The following DENND1B variants were observed in gnomAD, a reference collection of about 807,000 sequenced individuals.
DENND1B encodes the protein DENN domain-containing protein 1B.
Under a neutral mutation model 90.1 loss-of-function variants are expected in DENND1B, and 59 were observed. The observed-to-expected ratio is 0.65, with a 90% CI of 0.53 to 0.81. The LOEUF (loss-of-function observed/expected upper bound fraction) is 0.81, where lower values mean the gene tolerates loss of function less well. DENND1B is among the 40% of genes least tolerant of loss of function. DENND1B has a pLI of 0.00. For synonymous variants in DENND1B, 337 were observed against 324.6 expected (o/e 1.04, Z -0.41); for missense variants, 862 against 912.6 (o/e 0.94, Z 0.71).
chr1:197,570,141 C>T (rs1673025205), intron 15 of DENND1B, among the ~76,000 whole-genome samples: 1 of 151,434 alleles, frequency 6.6e-6, no homozygotes, highest in East Asian at 1.9e-4. Context: ...GCCTGTAACC[C>T]CAAACCACTA....
At chr1:197,733,597 C>T (rs1412129159) in intron 2 of DENND1B, among the ~76,000 whole-genome samples, 1 of 152,166 alleles carries the variant, frequency 6.6e-6, no homozygotes, top group Non-Finnish European at 1.5e-5. Context: ...GGAGCCCCTA[C>T]ATCAGAGGAA....
At chr1:197,565,442 C>A (rs1376579051) in intron 15 of DENND1B, among the ~76,000 whole-genome samples, 1 of 151,638 alleles carries the variant, frequency 6.6e-6, no homozygotes, top group South Asian at 2.1e-4. Flanking sequence ...AATACAGTAA[C>A]ACTTTACTCC....
At chr1:197,746,758 T>C in intron 2 of DENND1B, 2 of 1,334,184 alleles carry the variant, frequency 1.5e-6, no homozygotes, top group South Asian at 1.2e-5. Flanking sequence ...GTTATGCATA[T>C]CCCATGTCAC....
chr1:197,714,385 A>C (rs781333945), intron 3 of DENND1B, among the ~76,000 whole-genome samples: 23 of 152,176 alleles, frequency 1.5e-4, no homozygotes, highest in Non-Finnish European at 2.9e-5. Context: ...CATAAAGTTT[A>C]AATGATTTTT....
intron 2 of DENND1B, among the ~76,000 whole-genome samples, chr1:197,728,731 G>C (rs1480446414): frequency 6.6e-6 from 1 of 151,994 alleles, no homozygotes; most frequent in Non-Finnish European, 1.5e-5. Context: ...TTAATCTTAA[G>C]AGTTCTTATT....
intron 15 of DENND1B, among the ~76,000 whole-genome samples, chr1:197,560,924 A>G (rs935291816): frequency 3.9e-5 from 6 of 151,920 alleles, no homozygotes; most frequent in Admixed American, 2.0e-4. Flanking sequence ...GAGAAATTCT[A>G]CAAGCTCTAA....
intron 15 of DENND1B, among the ~76,000 whole-genome samples, chr1:197,574,989 C>G (rs752335471): frequency 7.2e-5 from 11 of 151,900 alleles, no homozygotes; most frequent in Non-Finnish European, 1.3e-4. Context: ...CATAAAAACC[C>G]TAGAAAACCT....
chr1:197,627,119 T>C (rs1295480099), intron 10 of DENND1B, among the ~76,000 whole-genome samples: 1 of 152,136 alleles, frequency 6.6e-6, no homozygotes, highest in Admixed American at 6.5e-5. Context: ...ACTGGTACCA[T>C]TCCTTCTGAA....
chr1:197,775,200 G>A lies in DENND1B; in HGVS notation c.-45C>T. ...GCTGTCCGTCCGGCCCCCGCGCGCT[G>A]GCCTGGAAGCCCGCAGCCCGGCCGC... On this transcript the variant is annotated 5_prime_UTR_variant, in exon 1 of 23. Coordinates refer to ENST00000620048, the MANE Select transcript of DENND1B (RefSeq NM_001195215.2). The A allele has an allele frequency of 8.0e-7, 1 of 1,251,928 alleles. No individual in the cohort carries two copies. Among genetic ancestry groups the A allele is most frequent in the Non-Finnish European group, 1.0e-6 (1 of 993,862 alleles). 77.6% of individuals were successfully genotyped at this position (1,251,928 alleles called of 1,614,324 possible).
chr1:197,706,516 T>C (rs931375365), intron 3 of DENND1B, among the ~76,000 whole-genome samples: 5 of 152,182 alleles, frequency 3.3e-5, no homozygotes, highest in Non-Finnish European at 7.3e-5. Flanking sequence ...GGAGAATGTA[T>C]ACGTAAACTA....
intron 15 of DENND1B, among the ~76,000 whole-genome samples, chr1:197,561,425 G>A (rs1275498314): frequency 6.6e-6 from 1 of 151,730 alleles, no homozygotes; most frequent in Non-Finnish European, 1.5e-5. Flanking sequence ...CTACCTAATT[G>A]TTCATCCACT....
chr1:197,770,547 T>G (rs535897228), intron 2 of DENND1B, among the ~76,000 whole-genome samples: 1 of 150,790 alleles, frequency 6.6e-6, no homozygotes, highest in Non-Finnish European at 1.5e-5. Context: ...TTAATACACA[T>G]TTAAAATTAG....
intron 3 of DENND1B, among the ~76,000 whole-genome samples, chr1:197,713,943 A>G (rs373811460): frequency 0.13 from 211 of 1,660 alleles, 2 homozygotes; most frequent in Non-Finnish European, 0.17. Context: ...TATATTATAT[A>G]CATATACACC....
At chr1:197,749,232 A>G (rs1270636003) in intron 2 of DENND1B, among the ~76,000 whole-genome samples, 1 of 152,162 alleles carries the variant, frequency 6.6e-6, no homozygotes, top group African/African-American at 2.4e-5. Context: ...AACAGCTTCA[A>G]TAAAATAATG....
intron 12 of DENND1B, among the ~76,000 whole-genome samples, chr1:197,608,661 ATG>A (rs1676904041): frequency 6.6e-6 from 1 of 150,572 alleles, no homozygotes; most frequent in Non-Finnish European, 1.5e-5. Context: ...AATAAACCTG[ATG>A]TATTTGTTAA....
rs1680286670 is a variant in DENND1B, at chr1:197,641,771, CCTTT to C, written c.672+936_672+939del. 3.9e-5 allele frequency among the ~76,000 whole-genome samples: 6 copies of C among 152,124 alleles called. 1 individual carries two copies. In the South Asian group the frequency reaches 1.2e-3, roughly 32 times the overall value. ...TGGTCATTTAATCTCACTGAAAATA[CCTTT>C]CTCACTGTTAAATGTTAAACAGATA... On this transcript the variant is annotated intron_variant, in intron 10 of 22. Transcript: ENST00000620048.
chr1:197,555,819 A>T (rs1447712569), intron 15 of DENND1B, among the ~76,000 whole-genome samples: 1 of 152,150 alleles, frequency 6.6e-6, no homozygotes, highest in African/African-American at 2.4e-5. Flanking sequence ...AACTAAAAAT[A>T]GAATTACCAT....
At position 197,642,774 on chromosome 1, in the gene DENND1B, C is replaced by T. The variant is rs905589761; in HGVS notation, c.609G>A (p.Leu203=). Residue 203 remains leucine (L), a synonymous_variant, in exon 10 of 23, where the codon CTG becomes CTA. Coordinates refer to ENST00000620048, the MANE Select transcript of DENND1B (RefSeq NM_001195215.2). The part of the protein sequence containing the change: ...YFVAVDVNNM[L]QLYASMLHER... ...CATGCAGCATACTGGCATACAGCTG[C>T]AGCATGTTGTTCACATCCACGGCAA... 2 of 1,613,490 alleles carry T rather than the reference C, an allele frequency of 1.2e-6. No homozygotes were observed. Among genetic ancestry groups the T allele is most frequent in the African/African-American group, 2.7e-5 (2 of 74,886 alleles).
At chr1:197,741,186 G>C (rs967764321) in intron 2 of DENND1B, among the ~76,000 whole-genome samples, 3 of 152,082 alleles carry the variant, frequency 2.0e-5, no homozygotes, top group Non-Finnish European at 4.4e-5. Flanking sequence ...AACACCGCTG[G>C]CTGGTAAAAA....
Sources: gnomAD v4.1 joint callset for allele counts (sites outside exome capture counted in the v4.1 genomes callset) on GRCh38, gnomAD v4.1.1 for gene constraint, MANE v1.5 for transcripts, NCBI Gene and HGNC (gene_info 2026-07-23, HGNC 2026-07-21) for gene names.